PCDH15: variants seen among roughly 807,000 people sequenced by gnomAD.
PCDH15 encodes the protein protocadherin related 15.
PCDH15 carries 129 observed loss-of-function variants against 178.5 expected under a neutral mutation model. The ratio of observed to expected loss-of-function variants is 0.72; its 90% CI spans 0.63 to 0.84. The LOEUF (loss-of-function observed/expected upper bound fraction) is 0.84, where lower values mean the gene tolerates loss of function less well. PCDH15 is among the 40% of genes least tolerant of loss of function. The pLI is 0.00. For missense variants in PCDH15, 2,230 were observed against 2,099.9 expected (o/e 1.06, Z -1.21); for synonymous variants, 800 against 732.0 (o/e 1.09, Z -1.50).
chr10:55,523,391 T>C (rs1565221360), intron 2 of PCDH15, among the ~76,000 whole-genome samples: 1 of 151,664 alleles, frequency 6.6e-6, no homozygotes. Context: ...TAAACCATAA[T>C]TGTAGAAGTT....
chr10:53,999,875 T>G (rs1460707967), intron 20 of PCDH15, among the ~76,000 whole-genome samples: 1 of 152,136 alleles, frequency 6.6e-6, no homozygotes, highest in African/African-American at 2.4e-5. Context: ...CCAGGGTGGT[T>G]ACAGCAGGTC....
At chr10:54,399,293 T>C (rs1268824599) in intron 3 of PCDH15, among the ~76,000 whole-genome samples, 27 of 151,400 alleles carry the variant, frequency 1.8e-4, no homozygotes, top group Admixed American at 1.7e-3. Context: ...AAATATAATA[T>C]AAATATAAAT....
intron 23 of PCDH15, among the ~76,000 whole-genome samples, chr10:53,946,817 G>A (rs567772232): frequency 1.1e-4 from 16 of 152,114 alleles, no homozygotes; most frequent in Middle Eastern, 3.4e-3. Flanking sequence ...TCGCTCTATC[G>A]CCCAGACTGG....
intron 2 of PCDH15, among the ~76,000 whole-genome samples, chr10:54,914,818 A>G (rs1954873310): frequency 1.3e-5 from 2 of 152,224 alleles, no homozygotes; most frequent in Non-Finnish European, 2.9e-5. Flanking sequence ...GTGTGTGGCT[A>G]CAAAGATTTG....
intron 2 of PCDH15, among the ~76,000 whole-genome samples, chr10:54,531,858 G>T (rs2083960628): frequency 6.6e-6 from 1 of 152,002 alleles, no homozygotes. Context: ...CATCCCAGTT[G>T]CTATCATAGC....
At chr10:55,062,230 A>G (rs1338359908) in intron 2 of PCDH15, among the ~76,000 whole-genome samples, 2 of 152,166 alleles carry the variant, frequency 1.3e-5, no homozygotes, top group African/African-American at 2.4e-5. Flanking sequence ...AAATATTCCC[A>G]AGATAACTCT....
intron 2 of PCDH15, among the ~76,000 whole-genome samples, chr10:54,659,960 C>T (rs1232051501): frequency 6.6e-6 from 1 of 151,960 alleles, no homozygotes; most frequent in Non-Finnish European, 1.5e-5. Context: ...GTTTAAAGCA[C>T]TAAATGCCTA....
chr10:54,440,317 A>T (rs1278028219), intron 3 of PCDH15, among the ~76,000 whole-genome samples: 5 of 152,028 alleles, frequency 3.3e-5, no homozygotes, highest in African/African-American at 9.7e-5. Flanking sequence ...AAATAGTTTC[A>T]AAACTGGGTC....
At chr10:54,543,803 C>CT (rs1374069955) in intron 2 of PCDH15, among the ~76,000 whole-genome samples, 1 of 152,174 alleles carries the variant, frequency 6.6e-6, no homozygotes, top group Non-Finnish European at 1.5e-5. Flanking sequence ...GCTGAGACAA[C>CT]TTGCAACTCC....
chr10:53,855,899 G>GATATATAT (rs1324732057), intron 28 of PCDH15, among the ~76,000 whole-genome samples: 892 of 77,826 alleles, frequency 0.011, 43 homozygotes, highest in African/African-American at 0.061. Context: ...AAAAAAAGGT[G>GATATATAT]ATATGTATAT....
chr10:55,462,041 T>C (rs1036707074), intron 2 of PCDH15, among the ~76,000 whole-genome samples: 38 of 152,174 alleles, frequency 2.5e-4, no homozygotes, highest in African/African-American at 9.1e-4. Flanking sequence ...GTGGGGTTTT[T>C]TTACAATATG....
chr10:53,908,250 G>A (rs549058366), intron 25 of PCDH15, among the ~76,000 whole-genome samples: 1 of 152,104 alleles, frequency 6.6e-6, no homozygotes, highest in African/African-American at 2.4e-5. Context: ...TACCCCAAAC[G>A]AACAAACAAA....
intron 10 of PCDH15, among the ~76,000 whole-genome samples, chr10:54,207,361 GTTT>G (rs1352008581): frequency 1.6e-5 from 2 of 122,862 alleles, no homozygotes; most frequent in African/African-American, 6.7e-5. Context: ...ATACTGTTTT[GTTT>G]TGTGTGTGTG....
chr10:55,146,551 G>A (rs887392719), intron 2 of PCDH15, among the ~76,000 whole-genome samples: 11 of 151,830 alleles, frequency 7.2e-5, no homozygotes, highest in Admixed American at 1.3e-4. Context: ...CTGCTATAGC[G>A]TTCTGTAACA....
intron 26 of PCDH15, among the ~76,000 whole-genome samples, chr10:53,879,502 T>C (rs2080532285): frequency 6.6e-6 from 1 of 152,144 alleles, no homozygotes; most frequent in African/African-American, 2.4e-5. Flanking sequence ...ATAACAAGCA[T>C]GTTATTTAAT....
At chr10:54,761,723 C>T (rs1947903797) in intron 1 of PCDH15, among the ~76,000 whole-genome samples, 1 of 46,398 alleles carries the variant, frequency 2.2e-5, no homozygotes, top group African/African-American at 8.1e-5. Context: ...CAAAACAAAA[C>T]AAAACAAAAC....
intron 10 of PCDH15, among the ~76,000 whole-genome samples, chr10:54,201,451 T>C (rs981371098): frequency 6.6e-6 from 1 of 151,892 alleles, no homozygotes; most frequent in South Asian, 2.1e-4. Context: ...TCATATTGCT[T>C]GTATAGTAAA....
intron 8 of PCDH15, among the ~76,000 whole-genome samples, chr10:54,271,476 A>G (rs1026104711): frequency 3.3e-5 from 5 of 152,086 alleles, no homozygotes; most frequent in African/African-American, 9.7e-5. Context: ...CCTCCAATAG[A>G]TGCTGGGATT....
chr10:55,473,781 CA>C (rs1301608935), intron 2 of PCDH15, among the ~76,000 whole-genome samples: 1 of 152,062 alleles, frequency 6.6e-6, no homozygotes, highest in Non-Finnish European at 1.5e-5. Flanking sequence ...TAATAGATTA[CA>C]AAATTTTCAC....
Sources: allele counts gnomAD v4.1 joint callset (sites outside exome capture counted in the v4.1 genomes callset), GRCh38; gene constraint gnomAD v4.1.1; transcripts MANE v1.5; gene names NCBI Gene and HGNC (gene_info 2026-07-23, HGNC 2026-07-21).